PRKAG2: variants seen among roughly 807,000 people sequenced by gnomAD.
The protein encoded by PRKAG2 is 5'-AMP-activated protein kinase subunit gamma-2.
A neutral mutation model predicts 69.6 loss-of-function variants in PRKAG2; 26 were observed. The ratio of observed to expected loss-of-function variants is 0.37; its 90% CI spans 0.27 to 0.52. PRKAG2 has a LOEUF of 0.52. PRKAG2 is among the 20% of genes least tolerant of loss of function. The probability of loss-of-function intolerance (pLI) is 0.90; values close to 1 mark genes in which losing one functional copy is unlikely to be tolerated. For missense variants in PRKAG2, 557 were observed against 740.0 expected (o/e 0.75, Z 2.87); for synonymous variants, 293 against 285.0 (o/e 1.03, Z -0.28).
intron 1 of PRKAG2, among the ~76,000 whole-genome samples, chr7:151,820,779 G>C (rs962770400): frequency 7.9e-5 from 12 of 152,348 alleles, no homozygotes; most frequent in Middle Eastern, 3.4e-3. Flanking sequence ...GAAGGAACTT[G>C]GCACTTGGGA....
At position 151,632,151 on chromosome 7, in the gene PRKAG2, A is replaced by G; in HGVS notation, c.685-13T>C. 1.4e-6 allele frequency: 2 copies of G among 1,385,784 alleles called. No homozygotes were observed. Among genetic ancestry groups the G allele is most frequent in the East Asian group, 3.2e-5 (1 of 31,060 alleles). The allele number at this position is 1,385,784 out of a possible 1,614,324, so 85.8% of individuals were successfully genotyped here. A position where few individuals can be genotyped will look rare whatever the true frequency, so the allele number is the denominator to read the frequency against. ...CCGCCAGCGCCGCCTGAGGGGGAGG[A>G]GGAGGACAGCGATCAGCATGAGCTG... On this transcript the variant is annotated splice_polypyrimidine_tract_variant and intron_variant, in intron 4 of 15. Transcript: ENST00000287878. The surrounding 1 kb of genome is among the most constrained non-coding windows in gnomAD (Gnocchi z 4.2).
chr7:151,770,380 T>C (rs1371415714), intron 3 of PRKAG2, among the ~76,000 whole-genome samples: 2 of 152,226 alleles, frequency 1.3e-5, no homozygotes, highest in Non-Finnish European at 2.9e-5. Flanking sequence ...TAGCCAATTA[T>C]GCATGTCTAT....
chr7:151,657,716 T>G (rs1343153627), intron 4 of PRKAG2, among the ~76,000 whole-genome samples: 1 of 152,152 alleles, frequency 6.6e-6, no homozygotes, highest in Non-Finnish European at 1.5e-5. Context: ...GCCCCTACCT[T>G]CATAGTCTAG....
At chr7:151,703,361 C>T (rs988735416) in intron 3 of PRKAG2, among the ~76,000 whole-genome samples, 6 of 152,148 alleles carry the variant, frequency 3.9e-5, no homozygotes, top group Non-Finnish European at 8.8e-5. Context: ...TGGTGTTTCC[C>T]CTGCAGTGTC....
At chr7:151,735,894 T>TC in intron 3 of PRKAG2, 2 of 1,535,838 alleles carry the variant, frequency 1.3e-6, no homozygotes, top group Non-Finnish European at 1.7e-6. Context: ...ATGGGCAGAG[T>TC]CCTACCGAAA....
intron 3 of PRKAG2, among the ~76,000 whole-genome samples, chr7:151,730,799 A>G (rs1446675049): frequency 2.0e-5 from 3 of 152,182 alleles, no homozygotes; most frequent in Non-Finnish European, 4.4e-5. Flanking sequence ...GGCACGCAGT[A>G]TTGGGGTGAC....
chr7:151,752,578 T>A (rs544990428), intron 3 of PRKAG2, among the ~76,000 whole-genome samples: 19 of 152,174 alleles, frequency 1.2e-4, no homozygotes, highest in South Asian at 8.3e-4. Context: ...AAAAATTTTT[T>A]AAAATATTTG....
At chr7:151,596,995 A>C (rs1016409948) in intron 5 of PRKAG2, among the ~76,000 whole-genome samples, 8 of 152,204 alleles carry the variant, frequency 5.3e-5, no homozygotes, top group African/African-American at 1.9e-4. Flanking sequence ...AAAAAGAACA[A>C]AGCTGAAGAT....
At chr7:151,663,812 G>GC (rs1425599576) in intron 4 of PRKAG2, among the ~76,000 whole-genome samples, 5 of 152,164 alleles carry the variant, frequency 3.3e-5, no homozygotes, top group Non-Finnish European at 7.3e-5. Context: ...GACTCAATCT[G>GC]CCCCTTTGCA....
At chr7:151,764,952 C>T (rs556759298) in intron 3 of PRKAG2, among the ~76,000 whole-genome samples, 19 of 152,336 alleles carry the variant, frequency 1.2e-4, no homozygotes, top group African/African-American at 4.6e-4. Flanking sequence ...ATCCTGTCTG[C>T]TGTGTGGCCA....
intron 4 of PRKAG2, among the ~76,000 whole-genome samples, chr7:151,671,955 A>C (rs1445060097): frequency 6.6e-6 from 1 of 152,000 alleles, no homozygotes; most frequent in Non-Finnish European, 1.5e-5. Flanking sequence ...TAAAAATTGG[A>C]GTCTTGACCA....
chr7:151,631,683 A>G (rs1262348475), intron 5 of PRKAG2: 7 of 451,606 alleles, frequency 1.6e-5, no homozygotes, highest in South Asian at 1.1e-4. Context: ...GTCTATGATT[A>G]AAGGGTCTGG....
intron 3 of PRKAG2, among the ~76,000 whole-genome samples, chr7:151,742,469 C>A (rs1299337849): frequency 6.6e-6 from 1 of 151,946 alleles, no homozygotes; most frequent in Non-Finnish European, 1.5e-5. Context: ...ACCAAAAATA[C>A]AAAAATTAGC....
intron 3 of PRKAG2, among the ~76,000 whole-genome samples, chr7:151,742,135 C>T (rs797021848): frequency 1.1e-4 from 17 of 152,242 alleles, no homozygotes; most frequent in African/African-American, 3.6e-4. Context: ...CATGTGGACC[C>T]GATTCCCAAA....
rs964891714 is a variant in PRKAG2, at chr7:151,669,808, A to G, written c.684+5612T>C. On this transcript the variant is annotated intron_variant, in intron 4 of 15. Transcript: ENST00000287878. ...CGCACACACCTGTGCACACACTTGC[A>G]CACACACACACCTGTGCACCTGCAG... Among the ~76,000 whole-genome samples the G allele has an allele frequency of 4.8e-5, 7 of 145,796 alleles. No homozygotes were observed. In the East Asian group the frequency reaches 7.9e-4, roughly 16 times the overall value.
intron 4 of PRKAG2, among the ~76,000 whole-genome samples, chr7:151,644,824 T>C (rs1827294033): frequency 6.6e-6 from 1 of 152,262 alleles, no homozygotes; most frequent in East Asian, 1.9e-4. Flanking sequence ...AGTTGCTTCA[T>C]GTCCTCATCA....
intron 3 of PRKAG2, among the ~76,000 whole-genome samples, chr7:151,729,705 C>A (rs1185590381): frequency 6.6e-6 from 1 of 152,128 alleles, no homozygotes; most frequent in African/African-American, 2.4e-5. Flanking sequence ...TGTGGCTCTG[C>A]CTGCTGCCGT....
intron 6 of PRKAG2, among the ~76,000 whole-genome samples, chr7:151,582,567 A>C (rs928527146): frequency 2.6e-5 from 4 of 152,212 alleles, no homozygotes; most frequent in African/African-American, 4.8e-5. Flanking sequence ...AGATAAAACA[A>C]CCAAGGCTCA....
Position 151,786,465 on chromosome 7 carries a change from C to T in PRKAG2, c.186+5G>A. The stretch of plus-strand genomic sequence containing the variant: ...TGTGAGAAACTTCTGGAAAGGAGGT[C>T]TTACCTTTCGAGAGGAATGCTTTCC... On this transcript the variant is annotated splice_donor_5th_base_variant and intron_variant, in intron 2 of 15. Transcript: ENST00000287878. 1 of 1,609,384 alleles carries T rather than the reference C, an allele frequency of 6.2e-7. No individual in the cohort carries two copies.
Sources: gnomAD v4.1 joint callset for allele counts (sites outside exome capture counted in the v4.1 genomes callset) on GRCh38, gnomAD v4.1.1 for gene constraint, Gnocchi (gnomAD v3.1) non-coding constraint, MANE v1.5 for transcripts, NCBI Gene and HGNC (gene_info 2026-07-23, HGNC 2026-07-21) for gene names.